SRRM3: variants seen among roughly 807,000 people sequenced by gnomAD.
The protein encoded by SRRM3 is serine/arginine repetitive matrix protein 3.
SRRM3 carries 27 observed loss-of-function variants against 66.2 expected under a neutral mutation model. The observed-to-expected ratio is 0.41, with a 90% confidence interval of 0.30 to 0.56. The LOEUF is 0.56. SRRM3 is among the 20% of genes least tolerant of loss of function. SRRM3 has a pLI of 0.32. For synonymous variants in SRRM3, 391 were observed against 414.9 expected, an observed-to-expected ratio of 0.94 and a Z score of 0.70; for missense variants, 918 against 991.9, an observed-to-expected ratio of 0.93 and a Z score of 1.00.
At chr7:76,274,053 G>A (rs1563638977) in intron 11 of SRRM3, among the ~76,000 whole-genome samples, 2 of 152,210 alleles carry the variant, frequency 1.3e-5, no homozygotes, top group Non-Finnish European at 2.9e-5. Flanking sequence ...GAGTAGCTGC[G>A]AAGCCCCTCC....
chr7:76,221,756 A>G (rs1356956800), intron 1 of SRRM3, among the ~76,000 whole-genome samples: 3 of 152,140 alleles, frequency 2.0e-5, no homozygotes, highest in Non-Finnish European at 4.4e-5. Context: ...AGTGTTTGTA[A>G]TGATTTAAAA....
rs782234991 is a variant in SRRM3, at chr7:76,264,797, A to C, written c.707A>C (p.Lys236Thr). Reference sequence around the variant, plus strand: ...AGCTCCAAGTGCAAAAGAAAAGAGAAGAACAAAGAGAAGAAGAGGTAAGCG... The same window carrying C: ...AGCTCCAAGTGCAAAAGAAAAGAGACGAACAAAGAGAAGAAGAGGTAAGCG... ...SRSSKCKRKE[K>T]NKEKKRPHTE... is the part of the protein sequence containing the mutation. The change falls in exon 9 of 15, where the codon AAG becomes ACG. Residue 236 changes from lysine to threonine, a missense_variant. By Grantham distance (78) the Lys-to-Thr change is moderately conservative (BLOSUM62 -1). Coordinates refer to ENST00000611745, the MANE Select transcript of SRRM3 (RefSeq NM_001110199.3). The C allele has an allele frequency of 1.8e-5, 29 of 1,613,634 alleles. No individual in the cohort carries two copies. Among genetic ancestry groups the C allele is most frequent in the Non-Finnish European group, 2.5e-5 (29 of 1,179,884 alleles).
intron 14 of SRRM3, among the ~76,000 whole-genome samples, chr7:76,284,574 C>T (rs576382645): frequency 6.6e-6 from 1 of 152,144 alleles, no homozygotes; most frequent in African/African-American, 2.4e-5. Context: ...GATCTTCCTG[C>T]GTCCCCCCTT....
intron 3 of SRRM3, among the ~76,000 whole-genome samples, chr7:76,248,522 C>G (rs1554606467): frequency 6.6e-6 from 1 of 152,164 alleles, no homozygotes; most frequent in Non-Finnish European, 1.5e-5. Context: ...CTCCCTGGGT[C>G]CTACCTATGG....
At chr7:76,205,465 C>T (rs1387385257) in intron 1 of SRRM3, among the ~76,000 whole-genome samples, 1 of 152,238 alleles carries the variant, frequency 6.6e-6, no homozygotes, top group Non-Finnish European at 1.5e-5. Context: ...CTGCCTCAGC[C>T]TCCCCAAGTG....
At chr7:76,257,613 G>GT (rs1340907182) in intron 3 of SRRM3, among the ~76,000 whole-genome samples, 6 of 151,408 alleles carry the variant, frequency 4.0e-5, no homozygotes, top group Admixed American at 1.3e-4. Context: ...TACAAAAAAA[G>GT]TTTTTTTTAA....
At chr7:76,211,174 G>A (rs937590153) in intron 1 of SRRM3, among the ~76,000 whole-genome samples, 2 of 152,200 alleles carry the variant, frequency 1.3e-5, no homozygotes, top group Admixed American at 1.3e-4. Flanking sequence ...CCGGGACACC[G>A]GTGTGGGGAA....
intron 3 of SRRM3, among the ~76,000 whole-genome samples, chr7:76,256,949 ATCCGCCC>A (rs1554607785): frequency 5.3e-5 from 8 of 152,114 alleles, no homozygotes; most frequent in African/African-American, 1.2e-4. Flanking sequence ...ACCTCTGGTG[ATCCGCCC>A]GCCTCAGCCT....
At chr7:76,212,617 C>T (rs543307759) in intron 1 of SRRM3, among the ~76,000 whole-genome samples, 3 of 150,578 alleles carry the variant, frequency 2.0e-5, no homozygotes, top group Non-Finnish European at 3.0e-5. Context: ...TACAGGCACC[C>T]GCCACCATGC....
chr7:76,221,049 T>C (rs1254078933), intron 1 of SRRM3, among the ~76,000 whole-genome samples: 1 of 149,556 alleles, frequency 6.7e-6, no homozygotes, highest in Non-Finnish European at 1.5e-5. Flanking sequence ...AGTGTCTTCT[T>C]ACCCGTCTTT....
At chr7:76,252,187 C>T (rs1420571238) in intron 3 of SRRM3, among the ~76,000 whole-genome samples, 5 of 152,292 alleles carry the variant, frequency 3.3e-5, no homozygotes, top group East Asian at 3.9e-4. Flanking sequence ...TCTATCGAGT[C>T]GGAAGGGGAT....
At chr7:76,281,060 G>T (rs1439181667) in intron 11 of SRRM3, among the ~76,000 whole-genome samples, 2 of 125,792 alleles carry the variant, frequency 1.6e-5, no homozygotes, top group Non-Finnish European at 3.2e-5. Context: ...TCGCTCTTTC[G>T]CCCTCTCTCT....
intron 14 of SRRM3, among the ~76,000 whole-genome samples, chr7:76,284,435 C>G (rs1554612472): frequency 6.6e-6 from 1 of 152,176 alleles, no homozygotes; most frequent in Non-Finnish European, 1.5e-5. Flanking sequence ...GCCTTGGCCT[C>G]CCAAAGTGGT....
rs111321897 is a variant in SRRM3, at chr7:76,278,510, GA to G, written c.1009-2928del. Among the ~76,000 whole-genome samples, 814 of 151,964 alleles carry G rather than the reference GA, an allele frequency of 5.4e-3. 9 individuals are homozygous for G. Among genetic ancestry groups the G allele is most frequent in the African/African-American group, 0.018 (753 of 41,454 alleles). ...TCAAAAATAATAAAAAAATAAAAAT[GA>G]AAGAGGGGCCAATCCAGCCTCCAAC... On this transcript the variant is annotated intron_variant, in intron 11 of 14. Transcript: ENST00000611745.
At chr7:76,237,266 G>T (rs1583894493) in intron 2 of SRRM3, among the ~76,000 whole-genome samples, 2 of 152,130 alleles carry the variant, frequency 1.3e-5, no homozygotes, top group South Asian at 2.1e-4. Flanking sequence ...AATTAGCCGG[G>T]CATGGTGGCA....
chr7:76,212,162 C>CTTT lies in SRRM3; in HGVS notation c.-40+10111_-40+10113dup, dbSNP rs57681676. 3.2e-3 allele frequency among the ~76,000 whole-genome samples: 324 copies of CTTT among 101,002 alleles called. 9 individuals carry two copies. The highest frequency in any genetic ancestry group is 0.011 in the African/African-American group (261 of 24,272). 66.3% of individuals were successfully genotyped at this position (101,002 alleles called of 152,430 possible). A position where few individuals can be genotyped will look rare whatever the true frequency, so the allele number is the denominator to read the frequency against. The stretch of plus-strand genomic sequence containing the variant: ...AGCCACTGCACCCAGCTGAGGTCTG[C>CTTT]TTTTTTTTTTTTTTTTTTGACAGGG... On this transcript the variant is annotated intron_variant, in intron 1 of 14. Transcript: ENST00000611745.
intron 11 of SRRM3, among the ~76,000 whole-genome samples, chr7:76,272,441 G>A (rs1554610625): frequency 2.6e-5 from 4 of 152,036 alleles, no homozygotes; most frequent in African/African-American, 9.7e-5. Flanking sequence ...GATGGTGCAT[G>A]CCTACAATCC....
chr7:76,269,857 A>T (rs1583932137), intron 11 of SRRM3: 1 of 139,364 alleles, frequency 7.2e-6, no homozygotes, highest in African/African-American at 2.7e-5. Context: ...TGTGTGTGTT[A>T]CTGTGGGAAC....
chr7:76,282,156 C>T (rs1051494299), intron 12 of SRRM3, among the ~76,000 whole-genome samples: 5 of 150,676 alleles, frequency 3.3e-5, no homozygotes, highest in Non-Finnish European at 5.9e-5. Context: ...GACCCCAACT[C>T]TCTCTAGGGA....
Sources: gnomAD v4.1 joint callset for allele counts (sites outside exome capture counted in the v4.1 genomes callset) on GRCh38, gnomAD v4.1.1 for gene constraint, MANE v1.5 for transcripts, NCBI Gene and HGNC (gene_info 2026-07-23, HGNC 2026-07-21) for gene names.